Variants in MAGI2 observed in about 807,000 individuals in gnomAD.
MAGI2 encodes the protein membrane associated guanylate kinase, WW and PDZ domain containing 2, also known as membrane-associated guanylate kinase, WW and PDZ domain-containing protein 2.
MAGI2 carries 35 observed loss-of-function variants against 133.3 expected under a neutral mutation model. The observed-to-expected ratio is 0.26, with a 90% CI of 0.20 to 0.35. MAGI2 has a LOEUF of 0.35. MAGI2 is among the 10% of genes least tolerant of loss of function. The probability of loss-of-function intolerance (pLI) is 1.00; values close to 1 mark genes in which losing one functional copy is unlikely to be tolerated. For synonymous variants in MAGI2, 729 were observed against 710.6 expected (o/e 1.03, Z -0.41); for missense variants, 1,636 against 1,863.4 (o/e 0.88, Z 2.25).
intron 21 of MAGI2, among the ~76,000 whole-genome samples, chr7:78,051,250 C>T (rs1439522837): frequency 6.6e-6 from 1 of 152,206 alleles, no homozygotes; most frequent in African/African-American, 2.4e-5. Context: ...ATACAGTACA[C>T]AGATGCAGGC....
At chr7:79,015,081 A>G (rs1808550744) in intron 1 of MAGI2, among the ~76,000 whole-genome samples, 2 of 152,174 alleles carry the variant, frequency 1.3e-5, no homozygotes, top group Non-Finnish European at 2.9e-5. Context: ...ATTTAAGCTT[A>G]TTTCATTTTA....
intron 1 of MAGI2, among the ~76,000 whole-genome samples, chr7:79,292,826 T>C (rs1289041684): frequency 2.1e-5 from 3 of 144,248 alleles, no homozygotes; most frequent in Non-Finnish European, 4.5e-5. Context: ...GTCATTTTGA[T>C]AGGGATTGCC....
chr7:78,477,902 CA>C lies in MAGI2; in HGVS notation c.1045+11858del, dbSNP rs1014780877. ...TTTCCTTTCTTATGGGTTTTAAATA[CA>C]AAGTTTTAAAGGAAATTTTATTTTT... On this transcript the variant is annotated intron_variant, in intron 6 of 21. Transcript: ENST00000354212. 3.9e-4 allele frequency among the ~76,000 whole-genome samples: 58 copies of C among 150,088 alleles called. 1 individual carries two copies. The highest frequency in any genetic ancestry group is 1.4e-3 in the African/African-American group (56 of 40,586).
At chr7:78,501,551 T>G (rs780482158) in intron 5 of MAGI2, 26 bp downstream of exon 5, 55 of 1,598,412 alleles carry the variant, frequency 3.4e-5, no homozygotes, top group Non-Finnish European at 3.8e-5. Flanking sequence ...TTTTTGGCAC[T>G]GTTGAAAGAA....
chr7:78,387,719 G>A (rs1483412535), intron 6 of MAGI2, among the ~76,000 whole-genome samples: 1 of 152,122 alleles, frequency 6.6e-6, no homozygotes, highest in Non-Finnish European at 1.5e-5. Flanking sequence ...TTGAGCCCAG[G>A]AGTTTGAGAC....
intron 1 of MAGI2, among the ~76,000 whole-genome samples, chr7:79,300,306 T>C (rs774107050): frequency 5.3e-5 from 8 of 152,122 alleles, no homozygotes; most frequent in Non-Finnish European, 1.0e-4. Flanking sequence ...GACAGTGAAG[T>C]CTGGATTGCT....
intron 13 of MAGI2, among the ~76,000 whole-genome samples, chr7:78,181,680 G>T (rs1318499774): frequency 6.6e-6 from 1 of 152,134 alleles, no homozygotes; most frequent in Non-Finnish European, 1.5e-5. Context: ...GACCACTGTG[G>T]CAAGTTACTG....
intron 1 of MAGI2, among the ~76,000 whole-genome samples, chr7:79,325,196 T>C (rs920747834): frequency 6.6e-6 from 1 of 152,128 alleles, no homozygotes; most frequent in Non-Finnish European, 1.5e-5. Context: ...CCATCCTTTC[T>C]ACAACATAGA....
chr7:78,326,674 A>AT (rs75364049), intron 9 of MAGI2, among the ~76,000 whole-genome samples: 17,695 of 152,124 alleles, frequency 0.12, 1,151 homozygotes, highest in South Asian at 0.2. Flanking sequence ...ATAAGATAGT[A>AT]TTTTTTACCA....
chr7:78,649,074 G>A (rs1318486410), intron 2 of MAGI2, among the ~76,000 whole-genome samples: 1 of 151,774 alleles, frequency 6.6e-6, no homozygotes, highest in Non-Finnish European at 1.5e-5. Flanking sequence ...GCAGCATTCT[G>A]ACTGGTTGCC....
At chr7:79,238,347 T>C (rs533421741) in intron 1 of MAGI2, among the ~76,000 whole-genome samples, 1 of 152,288 alleles carries the variant, frequency 6.6e-6, no homozygotes, top group East Asian at 1.9e-4. Context: ...TCTATCATAA[T>C]TCACACTTCT....
chr7:79,181,704 C>A (rs7804240), intron 1 of MAGI2, among the ~76,000 whole-genome samples: 11,522 of 151,940 alleles, frequency 0.076, 1,035 homozygotes, highest in African/African-American at 0.2. Context: ...ATGGGATTTT[C>A]TTTTCTGTTG....
intron 1 of MAGI2, among the ~76,000 whole-genome samples, chr7:79,123,418 T>C (rs563321750): frequency 2.8e-4 from 42 of 152,322 alleles, no homozygotes; most frequent in African/African-American, 9.9e-4. Context: ...CCATTTTTAC[T>C]TCTCTATGCC....
intron 1 of MAGI2, among the ~76,000 whole-genome samples, chr7:79,166,065 G>A (rs922773346): frequency 2.0e-5 from 3 of 152,046 alleles, no homozygotes; most frequent in Non-Finnish European, 4.4e-5. Context: ...ATAATTATTA[G>A]AAAACATTGA....
intron 1 of MAGI2, among the ~76,000 whole-genome samples, chr7:79,025,868 C>T (rs1809834341): frequency 6.6e-6 from 1 of 152,114 alleles, no homozygotes; most frequent in South Asian, 2.1e-4. Flanking sequence ...ATTCCTGTTG[C>T]CAAGTGGCTA....
intron 1 of MAGI2, among the ~76,000 whole-genome samples, chr7:79,054,298 A>G (rs943222969): frequency 2.0e-5 from 3 of 152,234 alleles, no homozygotes; most frequent in African/African-American, 7.2e-5. Flanking sequence ...TCATAATTCA[A>G]ATACAATAAT....
intron 1 of MAGI2, among the ~76,000 whole-genome samples, chr7:79,158,054 G>A (rs114148422): frequency 0.019 from 2,890 of 151,292 alleles, 87 homozygotes; most frequent in African/African-American, 0.066. Context: ...CCCTTGGCAC[G>A]CCAGACTTTT....
chr7:78,191,095 T>G (rs1468401307), intron 12 of MAGI2, among the ~76,000 whole-genome samples: 1 of 152,216 alleles, frequency 6.6e-6, no homozygotes, highest in Non-Finnish European at 1.5e-5. Flanking sequence ...TTAGGGTCAA[T>G]GTTTAAATAA....
chr7:78,181,808 A>G (rs1827212956), intron 13 of MAGI2, among the ~76,000 whole-genome samples: 1 of 152,216 alleles, frequency 6.6e-6, no homozygotes, highest in Admixed American at 6.5e-5. Context: ...TCTCATAATA[A>G]AGAAAAGCAG....
Sources: gnomAD v4.1 joint callset for allele counts (sites outside exome capture counted in the v4.1 genomes callset) on GRCh38, gnomAD v4.1.1 for gene constraint, MANE v1.5 for transcripts, NCBI Gene and HGNC (gene_info 2026-07-23, HGNC 2026-07-21) for gene names.